UBE2V2: variants seen among roughly 807,000 people sequenced by gnomAD.
UBE2V2 encodes ubiquitin-conjugating enzyme E2 variant 2.
In UBE2V2, 9 loss-of-function variants were observed where a neutral mutation model predicts 17.2. That is an observed-to-expected ratio of 0.52 (90% CI 0.32 to 0.91). The LOEUF (loss-of-function observed/expected upper bound fraction) is 0.91, where lower values mean the gene tolerates loss of function less well. Among genes scored for constraint, UBE2V2 ranks in the 40% least tolerant of loss-of-function variants. The pLI, the probability that UBE2V2 is intolerant of heterozygous loss-of-function variation, is 0.04. For synonymous variants in UBE2V2, 61 were observed against 57.5 expected, an observed-to-expected ratio of 1.06 and a Z score of -0.28; for missense variants, 133 against 182.6, an observed-to-expected ratio of 0.73 and a Z score of 1.56.
At position 48,046,765 on chromosome 8, in the gene UBE2V2, TTGTG is replaced by T. The variant is rs560412645; in HGVS notation, c.166-3074_166-3071del. Among the ~76,000 whole-genome samples, 571 of 150,398 alleles carry T rather than the reference TTGTG, an allele frequency of 3.8e-3. 3 individuals are homozygous for T. Among genetic ancestry groups the T allele is most frequent in the South Asian group, 0.024 (114 of 4,722 alleles). On this transcript the variant is annotated intron_variant, in intron 2 of 3. Transcript: ENST00000523111. ...GGGTACACCACCATACCTGGCTAAT[TTGTG>T]TGTGTGTGTGTGTAGAGATGGGGGT...
intron 1 of UBE2V2, among the ~76,000 whole-genome samples, chr8:48,031,247 A>C (rs1213923428): frequency 2.6e-5 from 4 of 152,096 alleles, no homozygotes; most frequent in Admixed American, 1.3e-4. Context: ...ACAACAACAA[A>C]AAAACAACTT....
At chr8:48,032,652 A>G (rs1235746947) in intron 1 of UBE2V2, among the ~76,000 whole-genome samples, 1 of 152,068 alleles carries the variant, frequency 6.6e-6, no homozygotes, top group African/African-American at 2.4e-5. Context: ...GCTACTCTGG[A>G]GGCTGACGTG....
intron 1 of UBE2V2, among the ~76,000 whole-genome samples, chr8:48,013,671 C>T (rs2091248393): frequency 6.6e-6 from 1 of 152,156 alleles, no homozygotes. Flanking sequence ...GCTCTAGTCT[C>T]TGACTGTAGA....
chr8:48,042,898 G>T (rs2091473511), intron 1 of UBE2V2, 135 bp from the exon 2 acceptor site: 1 of 863,304 alleles, frequency 1.2e-6, no homozygotes, highest in Non-Finnish European at 1.6e-6. Context: ...TTCTGGAGCA[G>T]AATGCTTTTT....
rs1173137634 is a variant in UBE2V2 at position 48,015,050 on chromosome 8, CA to C, written c.16+6601del. Among the ~76,000 whole-genome samples the C allele has an allele frequency of 7.5e-3, 481 of 63,756 alleles. 2 individuals are homozygous for C. Among genetic ancestry groups the C allele is most frequent in the Non-Finnish European group, 8.5e-3 (271 of 31,802 alleles). 41.8% of individuals were successfully genotyped at this position (63,756 alleles called of 152,430 possible). Reference sequence around the variant, plus strand: ...GAGTGACAGAGCGAGACTCCATCTCCAAAAAAAAAAAAAAAAAAAAATAAGG... The same window carrying C: ...GAGTGACAGAGCGAGACTCCATCTCCAAAAAAAAAAAAAAAAAAAATAAGG... On this transcript the variant is annotated intron_variant, in intron 1 of 3. Coordinates refer to ENST00000523111, the MANE Select transcript of UBE2V2 (RefSeq NM_003350.3).
intron 1 of UBE2V2, among the ~76,000 whole-genome samples, chr8:48,031,474 G>A (rs2091382640): frequency 6.6e-6 from 1 of 151,966 alleles, no homozygotes. Context: ...CAGTGGCTGG[G>A]GGTAGGGTGG....
At chr8:48,032,118 CTG>C (rs2091387645) in intron 1 of UBE2V2, among the ~76,000 whole-genome samples, 1 of 152,060 alleles carries the variant, frequency 6.6e-6, no homozygotes, top group Non-Finnish European at 1.5e-5. Flanking sequence ...TTTAAAAAAA[CTG>C]TTAAGATGCC....
intron 1 of UBE2V2, among the ~76,000 whole-genome samples, chr8:48,019,486 G>A (rs568886616): frequency 5.4e-4 from 82 of 151,028 alleles, no homozygotes; most frequent in African/African-American, 1.8e-3. Flanking sequence ...CCTTGATTGC[G>A]CCACTGCCCT....
chr8:48,010,697 T>C (rs573875911), intron 1 of UBE2V2, among the ~76,000 whole-genome samples: 1 of 138,786 alleles, frequency 7.2e-6, no homozygotes, highest in South Asian at 2.3e-4. Flanking sequence ...TGGGTTTGTT[T>C]GTTTTTTTTT....
In UBE2V2 at chr8:48,064,204, T is replaced by C. The variant is rs1194468815; in HGVS notation, c.*3376T>C. 6.6e-6 allele frequency: 1 copy of C among 152,242 alleles called. No homozygotes were observed. The highest frequency in any genetic ancestry group is 1.5e-5 in the Non-Finnish European group (1 of 68,044). 9.4% of individuals were successfully genotyped at this position (152,242 alleles called of 1,614,324 possible). On this transcript the variant is annotated 3_prime_UTR_variant, in exon 4 of 4. Transcript: ENST00000523111. ...TTTTATAGTATGCTTTTTAGGCATC[T>C]GTATGTGTAATATCATAGTATCATT...
chr8:48,007,651 G>C (rs2091193229), upstream of UBE2V2, among the ~76,000 whole-genome samples: 1 of 147,202 alleles, frequency 6.8e-6, no homozygotes, highest in African/African-American at 2.6e-5. Flanking sequence ...TTGGGTTCAA[G>C]CCATCCTCCT....
intron 1 of UBE2V2, chr8:48,041,674 AAGGT>A (rs1288741755): frequency 2.0e-5 from 3 of 152,322 alleles, no homozygotes; most frequent in South Asian, 2.1e-4. Flanking sequence ...AAAGCAAAAA[AAGGT>A]AGGAATACTT....
chr8:48,014,642 C>G (rs1171650886), intron 1 of UBE2V2, among the ~76,000 whole-genome samples: 1 of 113,536 alleles, frequency 8.8e-6, no homozygotes, highest in Non-Finnish European at 1.8e-5. Flanking sequence ...GAGACTCTGC[C>G]TCAAAAAAAA....
At chr8:48,017,893 C>T (rs1256356939) in intron 1 of UBE2V2, among the ~76,000 whole-genome samples, 3 of 148,410 alleles carry the variant, frequency 2.0e-5, no homozygotes, top group African/African-American at 7.5e-5. Context: ...GTCACCCAGG[C>T]TGGAGTGCAG....
intron 2 of UBE2V2, among the ~76,000 whole-genome samples, chr8:48,046,844 A>T (rs1004220978): frequency 1.1e-4 from 16 of 151,254 alleles, no homozygotes; most frequent in Non-Finnish European, 1.8e-4. Context: ...CAAATGGCCC[A>T]CCTGCCGTGG....
rs1038079636 is a variant in UBE2V2 at position 48,061,687 on chromosome 8, ACTT to A, written c.*863_*865del. Reference sequence around the variant, plus strand: ...CACTTTTATTTACCCTATTTTGTGTACTTCTTGTGAATTATAATTTGCAGACTA... The same window carrying A: ...CACTTTTATTTACCCTATTTTGTGTACTTGTGAATTATAATTTGCAGACTA... On this transcript the variant is annotated 3_prime_UTR_variant, in exon 4 of 4. Transcript: ENST00000523111. The A allele has an allele frequency of 6.6e-6, 1 of 152,510 alleles. No individual in the cohort carries two copies. The highest frequency in any genetic ancestry group is 1.5e-5 in the Non-Finnish European group (1 of 68,024). 9.4% of individuals were successfully genotyped at this position (152,510 alleles called of 1,614,324 possible). A position where few individuals can be genotyped will look rare whatever the true frequency, so the allele number is the denominator to read the frequency against.
At chr8:48,010,576 T>A (rs1342811984) in intron 1 of UBE2V2, among the ~76,000 whole-genome samples, 1 of 149,070 alleles carries the variant, frequency 6.7e-6, no homozygotes. Context: ...TAATTTTTTG[T>A]ATATTTAGTA....
chr8:48,051,896 G>A (rs2091541422), intron 3 of UBE2V2, among the ~76,000 whole-genome samples: 1 of 152,122 alleles, frequency 6.6e-6, no homozygotes, highest in African/African-American at 2.4e-5. Context: ...CCACCCCTGT[G>A]CCAACTCAGA....
intron 1 of UBE2V2, among the ~76,000 whole-genome samples, chr8:48,032,188 G>C (rs544104366): frequency 2.6e-5 from 4 of 152,166 alleles, no homozygotes; most frequent in African/African-American, 9.6e-5. Context: ...ACATACTGAC[G>C]TGTTCTCATT....
Sources: gnomAD v4.1 joint callset for allele counts (sites outside exome capture counted in the v4.1 genomes callset) on GRCh38, gnomAD v4.1.1 for gene constraint, MANE v1.5 for transcripts, NCBI Gene and HGNC (gene_info 2026-07-23, HGNC 2026-07-21) for gene names.